Variants in TSHR observed in about 807,000 individuals in gnomAD.
The protein encoded by TSHR is thyroid stimulating hormone receptor, also known as thyrotropin receptor.
A neutral mutation model predicts 64.1 loss-of-function variants in TSHR; 51 were observed. The observed-to-expected ratio is 0.80, with a 90% CI of 0.64 to 1.01. The LOEUF is 1.01. Among genes scored for constraint, TSHR ranks in the 50% least tolerant of loss-of-function variants. The probability of loss-of-function intolerance (pLI) is 0.00; values close to 1 mark genes in which losing one functional copy is unlikely to be tolerated. For synonymous variants in TSHR, 361 were observed against 361.9 expected (o/e 1.00, Z 0.03); for missense variants, 877 against 942.8 (o/e 0.93, Z 0.91).
chr14:81,049,033 T>C (rs76715416), intron 1 of TSHR, among the ~76,000 whole-genome samples: 1,529 of 152,324 alleles, frequency 0.01, 20 homozygotes, highest in Middle Eastern at 0.031. Flanking sequence ...ATGATAAAAT[T>C]GGTTTTGTTA....
chr14:81,102,632 C>A, intron 7 of TSHR: 1 of 257,082 alleles, frequency 3.9e-6, no homozygotes, highest in Non-Finnish European at 6.1e-6. Context: ...CTTAAGTCTG[C>A]CTTTGTAGTG....
At chr14:80,958,957 C>T (rs1886866350) in intron 1 of TSHR, among the ~76,000 whole-genome samples, 1 of 152,186 alleles carries the variant, frequency 6.6e-6, no homozygotes, top group Non-Finnish European at 1.5e-5. Flanking sequence ...TGTATAACCA[C>T]TTCTTAGACA....
chr14:81,079,689 G>T (rs1340273705), intron 3 of TSHR, among the ~76,000 whole-genome samples: 4 of 151,964 alleles, frequency 2.6e-5, no homozygotes, highest in African/African-American at 4.8e-5. Flanking sequence ...TCATCTCTAT[G>T]AAAAATATTT....
At chr14:80,982,836 T>C (rs533043695) in intron 1 of TSHR, 214 of 505,198 alleles carry the variant, frequency 4.2e-4, no homozygotes, top group Non-Finnish European at 6.3e-4. Flanking sequence ...GTCCTTTTGG[T>C]TCCGACCCTT....
chr14:80,957,068 A>C (rs1421319888), intron 1 of TSHR, among the ~76,000 whole-genome samples: 1 of 151,908 alleles, frequency 6.6e-6, no homozygotes, highest in Non-Finnish European at 1.5e-5. Context: ...CATTTCTCTA[A>C]CTTCCCCCTC....
chr14:81,123,533 T>A (rs1441285486), intron 8 of TSHR, among the ~76,000 whole-genome samples: 1 of 152,190 alleles, frequency 6.6e-6, no homozygotes, highest in African/African-American at 2.4e-5. Flanking sequence ...ATAGCCATGA[T>A]TTCATTGTCA....
At position 81,143,787 on chromosome 14, in the gene TSHR, C is replaced by T. The variant is rs1891811985; in HGVS notation, c.1729C>T (p.Pro577Ser). The change falls in exon 10 of 10, where the codon CCT becomes TCT. Residue 577 changes from proline (P) to serine (S), a missense_variant. Physicochemically the swap from Pro to Ser is moderately conservative, Grantham distance 74. Coordinates refer to ENST00000298171, the MANE Select transcript of TSHR (RefSeq NM_000369.5). ...CTGCCTGCCCATGGACACCGAGACC[C>T]CTCTTGCTCTGGCATATATTGTTTT... ...SICLPMDTET[P>S]LALAYIVFVL... 1 of 1,613,972 alleles carries T rather than the reference C, an allele frequency of 6.2e-7. No individual in the cohort carries two copies. Among genetic ancestry groups the T allele is most frequent in the South Asian group, 1.1e-5 (1 of 91,088 alleles).
chr14:80,967,073 A>G (rs2139695735), intron 1 of TSHR, among the ~76,000 whole-genome samples: 1 of 152,132 alleles, frequency 6.6e-6, no homozygotes, highest in African/African-American at 2.4e-5. Context: ...TTCAGTCCAT[A>G]ACAGAAGCCC....
chr14:81,091,275 T>A, intron 5 of TSHR, 132 bp downstream of exon 5: 1 of 819,642 alleles, frequency 1.2e-6, no homozygotes, highest in Non-Finnish European at 2.1e-6. Flanking sequence ...CAGGTGTGAC[T>A]ACACTGGCAT....
intron 8 of TSHR, among the ~76,000 whole-genome samples, chr14:81,126,640 G>A (rs1891031910): frequency 6.6e-6 from 1 of 152,178 alleles, no homozygotes; most frequent in Non-Finnish European, 1.5e-5. Flanking sequence ...AAACAACACT[G>A]CCAAAATGTT....
In TSHR at chr14:81,103,079, CA is replaced by C. The variant is rs1889688791; in HGVS notation, c.615-5295del. 7 of 985,104 alleles carry C rather than the reference CA, an allele frequency of 7.1e-6. No homozygotes were observed. The Admixed American group carries it at 4.3e-4, about 61-fold the overall frequency. The allele number at this position is 985,104 out of a possible 1,614,324, so 61.0% of individuals were successfully genotyped here. A position where few individuals can be genotyped will look rare whatever the true frequency, so the allele number is the denominator to read the frequency against. On this transcript the variant is annotated intron_variant, in intron 7 of 9. Transcript: ENST00000298171. This position sits in a 1 kb window ranked among gnomAD's most constrained non-coding sequence, Gnocchi z 4.1. ...TTCAGTAAAAGGTATCATGTAAATC[CA>C]GTGTAAAATCAAAATGATGGTTGTG...
Position 81,144,182 on chromosome 14 carries a change from G to A in TSHR, c.2124G>A (p.Gly708=), listed in dbSNP as rs145012289. The A allele has an allele frequency of 1.2e-5, 20 of 1,613,920 alleles. No homozygotes were observed. Among genetic ancestry groups the A allele is most frequent in the Non-Finnish European group, 1.7e-5 (20 of 1,179,904 alleles). ...AACGCCAGGCTCAGGCATACCGGGG[G>A]CAGAGGGTTCCTCCAAAGAACAGCA... ...ICKRQAQAYR[G]QRVPPKNSTD... is the part of the protein sequence containing the mutation. The change falls in exon 10 of 10, where the codon GGG becomes GGA. Residue 708 remains glycine (G), a synonymous_variant. Transcript: ENST00000298171.
intron 3 of TSHR, chr14:81,087,391 T>C (rs1364781473): frequency 6.0e-6 from 1 of 165,716 alleles, no homozygotes; most frequent in Non-Finnish European, 1.3e-5. Flanking sequence ...TGACACACGA[T>C]ATTGCACTAT....
In TSHR at chr14:81,103,432, AAT is replaced by A; in HGVS notation, c.615-4942_615-4941del. On this transcript the variant is annotated intron_variant, in intron 7 of 9. Coordinates refer to ENST00000298171, the MANE Select transcript of TSHR (RefSeq NM_000369.5). This position sits in a 1 kb window ranked among gnomAD's most constrained non-coding sequence, Gnocchi z 4.1. ...ATCCCCTATCATTCCACTTCATGAC[AAT>A]TTACTGAAATTAGCAGATCGACCTC... is the stretch of plus-strand genomic sequence containing the variant. The A allele has an allele frequency of 1.0e-6, 1 of 985,450 alleles. No individual in the cohort carries two copies. The highest frequency in any genetic ancestry group is 1.2e-6 in the Non-Finnish European group (1 of 829,942). 61.0% of individuals were successfully genotyped at this position (985,450 alleles called of 1,614,324 possible).
At chr14:81,023,179 T>C (rs1883863574) in intron 1 of TSHR, among the ~76,000 whole-genome samples, 1 of 152,164 alleles carries the variant, frequency 6.6e-6, no homozygotes, top group African/African-American at 2.4e-5. Flanking sequence ...GAATAGGCTA[T>C]AAATGGAAAG....
intron 8 of TSHR, chr14:81,109,002 G>A (rs1239434397): frequency 8.0e-7 from 1 of 1,251,562 alleles, no homozygotes; most frequent in Admixed American, 3.7e-5. Context: ...TCAGTGATCA[G>A]GTTCTATTGA....
intron 1 of TSHR, among the ~76,000 whole-genome samples, chr14:81,021,406 A>G (rs906034358): frequency 6.6e-6 from 1 of 152,176 alleles, no homozygotes; most frequent in African/African-American, 2.4e-5. Flanking sequence ...CTTCATTACT[A>G]GGATAAGGGG....
intron 1 of TSHR, among the ~76,000 whole-genome samples, chr14:81,020,213 G>A (rs990092999): frequency 6.6e-6 from 1 of 152,168 alleles, no homozygotes; most frequent in Non-Finnish European, 1.5e-5. Flanking sequence ...CTATGTGTCA[G>A]GTGCTAGAAA....
chr14:81,026,721 C>T (rs1158844420), intron 1 of TSHR, among the ~76,000 whole-genome samples: 2 of 151,580 alleles, frequency 1.3e-5, no homozygotes, highest in African/African-American at 2.4e-5. Flanking sequence ...AGTAAAAGAG[C>T]AAAATAAAAA....
Sources: allele counts gnomAD v4.1 joint callset (sites outside exome capture counted in the v4.1 genomes callset), GRCh38; gene constraint gnomAD v4.1.1; non-coding constraint Gnocchi (gnomAD v3.1); transcripts MANE v1.5; gene names NCBI Gene and HGNC (gene_info 2026-07-23, HGNC 2026-07-21).